Variants in HERC4 observed in about 807,000 individuals in gnomAD.
The protein encoded by HERC4 is probable E3 ubiquitin-protein ligase HERC4.
A neutral mutation model predicts 124.3 loss-of-function variants in HERC4; 28 were observed. The observed-to-expected ratio is 0.23, with a 90% confidence interval of 0.17 to 0.31. HERC4 has a LOEUF of 0.31. HERC4 is among the 10% of genes least tolerant of loss of function. HERC4 has a pLI of 1.00. For synonymous variants in HERC4, 407 were observed against 421.5 expected, an observed-to-expected ratio of 0.97 and a Z score of 0.42; for missense variants, 713 against 1,229.3, an observed-to-expected ratio of 0.58 and a Z score of 6.28.
intron 7 of HERC4, among the ~76,000 whole-genome samples, chr10:68,029,745 TG>T: frequency 6.7e-6 from 1 of 149,218 alleles, no homozygotes. Context: ...TATAACACTT[TG>T]TTTTTTTTTT....
In HERC4 at chr10:67,939,690, A is replaced by G. The variant is rs368846294; in HGVS notation, c.2505-36T>C. ...ATATATATGTTTCTGAGAGGAAAAA[A>G]TTATTGGATATTTTGACTATTTTAC... On this transcript the variant is annotated intron_variant, in intron 20 of 24. Transcript: ENST00000373700. The G allele has an allele frequency of 6.1e-5, 78 of 1,271,548 alleles. No individual in the cohort carries two copies. The African/African-American group carries it at 9.3e-4, about 15-fold the overall frequency. 78.8% of individuals were successfully genotyped at this position (1,271,548 alleles called of 1,614,324 possible).
intron 3 of HERC4, among the ~76,000 whole-genome samples, chr10:68,048,947 G>A (rs2133563746): frequency 6.6e-6 from 1 of 152,252 alleles, no homozygotes; most frequent in African/African-American, 2.4e-5. Flanking sequence ...CTTGTATACT[G>A]TTAGTCTAAA....
intron 8 of HERC4, among the ~76,000 whole-genome samples, chr10:68,021,167 A>C (rs1228272223): frequency 4.6e-5 from 7 of 152,204 alleles, no homozygotes. Context: ...AAGACAAAGA[A>C]TCTTGAAAGC....
intron 15 of HERC4, among the ~76,000 whole-genome samples, chr10:67,978,508 C>T (rs980784244): frequency 6.6e-6 from 1 of 152,254 alleles, no homozygotes; most frequent in African/African-American, 2.4e-5. Context: ...GGCTCCCAGA[C>T]AGCACCTCTG....
chr10:67,978,500 C>T (rs2035735089), intron 15 of HERC4, among the ~76,000 whole-genome samples: 1 of 152,236 alleles, frequency 6.6e-6, no homozygotes, highest in African/African-American at 2.4e-5. Context: ...TAGTCCCTGG[C>T]TCCCAGACAG....
intron 22 of HERC4, among the ~76,000 whole-genome samples, 177 bp downstream of exon 22, chr10:67,935,974 CTT>C (rs1248935370): frequency 6.6e-6 from 1 of 152,178 alleles, no homozygotes; most frequent in East Asian, 1.9e-4. Flanking sequence ...TCTCCCTTCT[CTT>C]TGTTTTAATG....
chr10:68,046,876 C>T (rs2040038668), intron 3 of HERC4, among the ~76,000 whole-genome samples: 1 of 152,138 alleles, frequency 6.6e-6, no homozygotes, highest in East Asian at 1.9e-4. Context: ...GAGAATCACT[C>T]GAGCCCAAGC....
rs141224870 is a variant in HERC4, at chr10:68,022,981, G to A, written c.908+2565C>T. 7.5e-4 allele frequency among the ~76,000 whole-genome samples: 114 copies of A among 151,508 alleles called. No individual in the cohort carries two copies. The East Asian group carries it at 0.02, about 27-fold the overall frequency. Reference sequence around the variant, plus strand: ...AAATCAAAACCACAGGAGATAACATGTTACACGTATTAAAATAGGTATTAT... The same window carrying A: ...AAATCAAAACCACAGGAGATAACATATTACACGTATTAAAATAGGTATTAT... On this transcript the variant is annotated intron_variant, in intron 8 of 24. Coordinates refer to ENST00000373700, the MANE Select transcript of HERC4 (RefSeq NM_015601.4).
At position 67,925,165 on chromosome 10, in the gene HERC4, T is replaced by C; in HGVS notation, c.2861A>G (p.Tyr954Cys). Residue 954 changes from tyrosine to cysteine, a missense_variant, in exon 24 of 25, where the codon TAT becomes TGT. By Grantham distance (194) the Tyr-to-Cys change is radical. Transcript: ENST00000373700. ...LEKNTEYKGE[Y>C]WAEHPTIKIF... The stretch of plus-strand genomic sequence containing the variant: ...TTTTATCGTAGGATGTTCTGCCCAA[T>C]ATTCCCCTTTGTATTCTGTATTCTA... The C allele has an allele frequency of 6.3e-7, 1 of 1,594,298 alleles. No individual in the cohort carries two copies. Among genetic ancestry groups the C allele is most frequent in the Non-Finnish European group, 8.6e-7 (1 of 1,162,332 alleles).
intron 15 of HERC4, among the ~76,000 whole-genome samples, chr10:67,968,762 C>T (rs1448736919): frequency 1.3e-5 from 2 of 151,982 alleles, no homozygotes; most frequent in Admixed American, 1.3e-4. Flanking sequence ...GATTAATTCA[C>T]CAAGAAGTCA....
chr10:68,056,423 G>GT (rs1840891491), intron 3 of HERC4, among the ~76,000 whole-genome samples: 1 of 152,146 alleles, frequency 6.6e-6, no homozygotes, highest in African/African-American at 2.4e-5. Context: ...GCAAAGACAT[G>GT]TAAGACAAGG....
intron 4 of HERC4, chr10:68,039,489 C>T (rs2039653785): frequency 6.4e-7 from 1 of 1,550,750 alleles, no homozygotes; most frequent in Non-Finnish European, 8.7e-7. Context: ...CGGGAAGCAG[C>T]TTCAGCAAAT....
Position 67,959,098 on chromosome 10 carries a change from T to C in HERC4, c.1927-2122A>G, listed in dbSNP as rs1388060973. ...TATTTTACTCTAAACATGAGCTTTA[T>C]TACACCAAACTTACCTCAGTTAATC... On this transcript the variant is annotated intron_variant, in intron 16 of 24. Coordinates refer to ENST00000373700, the MANE Select transcript of HERC4 (RefSeq NM_015601.4). 10 of 1,596,816 alleles carry C rather than the reference T, an allele frequency of 6.3e-6. No individual in the cohort carries two copies. The South Asian group carries it at 6.8e-5, about 11-fold the overall frequency.
chr10:67,955,268 T>C (rs1589171026), intron 17 of HERC4, 138 bp from the exon 18 acceptor site: 2 of 677,358 alleles, frequency 3.0e-6, no homozygotes, highest in East Asian at 6.4e-5. Context: ...CCTAACAGTA[T>C]CCCGTACAGC....
chr10:67,973,483 C>T (rs904597065), intron 15 of HERC4, among the ~76,000 whole-genome samples: 2 of 152,138 alleles, frequency 1.3e-5, no homozygotes, highest in East Asian at 1.9e-4. Flanking sequence ...TGTTTTGTTA[C>T]AGAATATTAC....
Position 67,929,607 on chromosome 10 carries a change from C to T in HERC4, c.2838+2990G>A, listed in dbSNP as rs1021225530. Among the ~76,000 whole-genome samples the T allele has an allele frequency of 5.9e-5, 9 of 152,146 alleles. No individual in the cohort carries two copies. In the East Asian group the frequency reaches 1.4e-3, roughly 23 times the overall value. ...AGGGCTCACTGCAGCCTCTACCTCC[C>T]GGGCTCAAGGGATCCTCCCACCTCA... On this transcript the variant is annotated intron_variant, in intron 23 of 24. Transcript: ENST00000373700.
intron 16 of HERC4, among the ~76,000 whole-genome samples, chr10:67,957,804 GAA>G (rs2034239957): frequency 6.6e-6 from 1 of 151,996 alleles, no homozygotes; most frequent in African/African-American, 2.4e-5. Context: ...TTTATAGTCT[GAA>G]TCTGCATTTT....
chr10:67,947,748 A>G (rs2033480552), intron 19 of HERC4, among the ~76,000 whole-genome samples: 3 of 152,182 alleles, frequency 2.0e-5, no homozygotes, highest in Admixed American at 2.0e-4. Flanking sequence ...ATCATAAAAA[A>G]TTATCTTCTC....
At chr10:68,009,812 T>C (rs2133073477) in intron 9 of HERC4, among the ~76,000 whole-genome samples, 1 of 152,348 alleles carries the variant, frequency 6.6e-6, no homozygotes, top group East Asian at 1.9e-4. Context: ...GTTTATGGAA[T>C]ATTCTAAATA....
Sources: gnomAD v4.1 joint callset for allele counts (sites outside exome capture counted in the v4.1 genomes callset) on GRCh38, gnomAD v4.1.1 for gene constraint, MANE v1.5 for transcripts, NCBI Gene and HGNC (gene_info 2026-07-23, HGNC 2026-07-21) for gene names.